EPB41: variants seen among roughly 807,000 people sequenced by gnomAD.
EPB41 encodes protein 4.1.
A neutral mutation model predicts 108.0 loss-of-function variants in EPB41; 65 were observed. The ratio of observed to expected loss-of-function variants is 0.60; its 90% CI spans 0.49 to 0.74. The LOEUF is 0.74. Among genes scored for constraint, EPB41 ranks in the 30% least tolerant of loss-of-function variants. EPB41 has a pLI of 0.00. For synonymous variants in EPB41, 336 were observed against 358.9 expected, an observed-to-expected ratio of 0.94 and a Z score of 0.72; for missense variants, 875 against 1,037.0, an observed-to-expected ratio of 0.84 and a Z score of 2.15.
intron 11 of EPB41, among the ~76,000 whole-genome samples, chr1:29,040,365 T>C (rs1057051455): frequency 1.3e-5 from 2 of 152,052 alleles, no homozygotes; most frequent in African/African-American, 2.4e-5. Flanking sequence ...CTGCAACCTC[T>C]GCCTACCAAG....
intron 1 of EPB41, among the ~76,000 whole-genome samples, chr1:28,978,533 A>G (rs2095661238): frequency 6.6e-6 from 1 of 151,606 alleles, no homozygotes; most frequent in African/African-American, 2.4e-5. Context: ...GTAGACTTAT[A>G]GACTTAATTT....
In EPB41 at chr1:29,115,871, C is replaced by T. The variant is rs749970251; in HGVS notation, c.*6+68C>T. 4.0e-6 allele frequency: 5 copies of T among 1,246,324 alleles called. No homozygotes were observed. The highest frequency in any genetic ancestry group is 3.5e-5 in the Admixed American group (2 of 57,962). The allele number at this position is 1,246,324 out of a possible 1,614,324, so 77.2% of individuals were successfully genotyped here. A position where few individuals can be genotyped will look rare whatever the true frequency, so the allele number is the denominator to read the frequency against. ...AGCCTGAGAGGGCTCTGGATGGGAC[C>T]CTCGGACACACTGGGAGCCCATCCC... On this transcript the variant is annotated intron_variant, in intron 20 of 20. Transcript: ENST00000343067. The surrounding 1 kb of genome is among the most constrained non-coding windows in gnomAD (Gnocchi z 4.4).
chr1:28,998,105 CATT>C (rs1239612277), intron 4 of EPB41, among the ~76,000 whole-genome samples: 1 of 152,096 alleles, frequency 6.6e-6, no homozygotes, highest in African/African-American at 2.4e-5. Flanking sequence ...ATGAAGATAA[CATT>C]AATTACTGGT....
intron 1 of EPB41, among the ~76,000 whole-genome samples, chr1:28,944,275 T>C (rs968007415): frequency 3.9e-5 from 6 of 152,044 alleles, no homozygotes; most frequent in African/African-American, 1.4e-4. Context: ...TTAAAAAAAA[T>C]AGGAAGAATG....
At position 28,887,512 on chromosome 1, in the gene EPB41, G is replaced by C; in HGVS notation, c.-8+302G>C. On this transcript the variant is annotated intron_variant, in intron 1 of 16. Coordinates refer to the EPB41 transcript ENST00000347529. The surrounding 1 kb of genome is among the most constrained non-coding windows in gnomAD (Gnocchi z 4.9). The stretch of plus-strand genomic sequence containing the variant: ...GGCCGGTCCTGGCTGTCTGGGGCGG[G>C]GGTCCTGCATTCGGTGTCCGCGGGA... 1.0e-6 allele frequency: 1 copy of C among 985,278 alleles called. No individual in the cohort carries two copies. Among genetic ancestry groups the C allele is most frequent in the Non-Finnish European group, 1.2e-6 (1 of 829,870 alleles). 61.0% of individuals were successfully genotyped at this position (985,278 alleles called of 1,614,324 possible).
At chr1:28,964,306 T>C (rs1412901380) in intron 1 of EPB41, among the ~76,000 whole-genome samples, 2 of 152,098 alleles carry the variant, frequency 1.3e-5, no homozygotes, top group East Asian at 1.9e-4. Context: ...TAGCTGGATG[T>C]GGTGGTGCGC....
intron 1 of EPB41, among the ~76,000 whole-genome samples, chr1:28,980,515 G>C (rs2095712233): frequency 6.6e-6 from 1 of 151,692 alleles, no homozygotes. Flanking sequence ...TTTGAAACCA[G>C]CCTGGGCAAC....
In EPB41 at chr1:29,021,224, A is replaced by G. The variant is rs971085564; in HGVS notation, c.1124+2782A>G. Among the ~76,000 whole-genome samples the G allele has an allele frequency of 4.6e-5, 7 of 152,322 alleles. No homozygotes were observed. The East Asian group carries it at 5.8e-4, about 13-fold the overall frequency. ...TCTTCAAGATTCTTTCAAGGGGTCC[A>G]TGAAGTCAAAATTATTTTTGTAATA... On this transcript the variant is annotated intron_variant, in intron 7 of 20. Transcript: ENST00000343067.
Position 29,033,089 on chromosome 1 carries a change from T to G in EPB41, c.1213-4T>G, listed in dbSNP as rs188648724. On this transcript the variant is annotated splice_region_variant and splice_polypyrimidine_tract_variant and intron_variant, in intron 8 of 20. Coordinates refer to ENST00000343067, the MANE Select transcript of EPB41 (RefSeq NM_001376013.1). Reference sequence around the variant, plus strand: ...ACTGAAATCCTAACATTTTTCTTTTTCAGGACTTGGAAGGAGTAGATATCA... The same window carrying G: ...ACTGAAATCCTAACATTTTTCTTTTGCAGGACTTGGAAGGAGTAGATATCA... 12 of 1,613,850 alleles carry G rather than the reference T, an allele frequency of 7.4e-6. No homozygotes were observed. The East Asian group carries it at 2.7e-4, about 36-fold the overall frequency.
intron 1 of EPB41, among the ~76,000 whole-genome samples, chr1:28,933,728 G>A (rs1436991629): frequency 1.3e-5 from 2 of 152,100 alleles, no homozygotes; most frequent in Non-Finnish European, 2.9e-5. Flanking sequence ...TCCACGATTA[G>A]ATAGTAGATT....
rs1671450556 is a variant in EPB41, at chr1:29,119,097, C to A, written c.*2285C>A. The A allele has an allele frequency of 6.6e-6, 1 of 152,338 alleles. No individual in the cohort carries two copies. Among genetic ancestry groups the A allele is most frequent in the South Asian group, 2.1e-4 (1 of 4,828 alleles). 9.4% of individuals were successfully genotyped at this position (152,338 alleles called of 1,614,324 possible). On this transcript the variant is annotated 3_prime_UTR_variant, in exon 21 of 21. Coordinates refer to ENST00000343067, the MANE Select transcript of EPB41 (RefSeq NM_001376013.1). ...TAAACGTTTCCCTCAGCTCTGTCAC[C>A]AACTCACTTCTCTCGGCTTCGTTGT...
Position 29,065,808 on chromosome 1 carries a change from T to G in EPB41, c.2184+650T>G, listed in dbSNP as rs367650267. 4 of 152,390 alleles carry G rather than the reference T, an allele frequency of 2.6e-5. No homozygotes were observed. The East Asian group carries it at 5.8e-4, about 22-fold the overall frequency. The allele number at this position is 152,390 out of a possible 1,614,324, so 9.4% of individuals were successfully genotyped here. On this transcript the variant is annotated intron_variant, in intron 16 of 20. Transcript: ENST00000343067. ...CTGGGCAACATGGCAAAACCCCATC[T>G]CTACAAAAATTAGTCAGGTATAGTG...
At chr1:29,020,595 G>T (rs1250860227) in intron 7 of EPB41, among the ~76,000 whole-genome samples, 1 of 151,906 alleles carries the variant, frequency 6.6e-6, no homozygotes, top group African/African-American at 2.4e-5. Flanking sequence ...TTTTACTGCT[G>T]CCATAGAGCT....
intron 15 of EPB41, among the ~76,000 whole-genome samples, chr1:29,063,161 GT>G (rs1646826007): frequency 1.3e-5 from 2 of 152,298 alleles, no homozygotes; most frequent in East Asian, 3.9e-4. Context: ...TACATGCCTG[GT>G]GGGTCTGGTT....
chr1:28,914,537 G>GAGGGCTGCGGGC (rs1399832939), upstream of EPB41: 2 of 152,238 alleles, frequency 1.3e-5, no homozygotes, highest in African/African-American at 2.4e-5. Flanking sequence ...GGGCCGGCGG[G>GAGGGCTGCGGGC]CGGGCTGCGG....
chr1:29,104,782 G>T (rs917995479), intron 17 of EPB41, among the ~76,000 whole-genome samples: 1 of 152,026 alleles, frequency 6.6e-6, no homozygotes, highest in African/African-American at 2.4e-5. Context: ...TAGAAACAGG[G>T]CTTCGCCATG....
At chr1:29,049,973 A>G (rs1644208583) in intron 11 of EPB41, among the ~76,000 whole-genome samples, 1 of 152,230 alleles carries the variant, frequency 6.6e-6, no homozygotes, top group South Asian at 2.1e-4. Flanking sequence ...ATATATTTTA[A>G]ATGAGTGAAC....
At chr1:28,914,115 T>G (rs1284819907), upstream of EPB41, among the ~76,000 whole-genome samples, 1 of 152,206 alleles carries the variant, frequency 6.6e-6, no homozygotes, top group Non-Finnish European at 1.5e-5. Context: ...CCGAGGTCAC[T>G]AAGCGTTTAG....
At chr1:28,914,135 G>C (rs975559156), upstream of EPB41, among the ~76,000 whole-genome samples, 1 of 152,224 alleles carries the variant, frequency 6.6e-6, no homozygotes, top group Non-Finnish European at 1.5e-5. Flanking sequence ...GGGGGAGTCA[G>C]TTGGGGTAGC....
Sources: gnomAD v4.1 joint callset for allele counts (sites outside exome capture counted in the v4.1 genomes callset) on GRCh38, gnomAD v4.1.1 for gene constraint, Gnocchi (gnomAD v3.1) non-coding constraint, MANE v1.5 for transcripts, NCBI Gene and HGNC (gene_info 2026-07-23, HGNC 2026-07-21) for gene names.